MCTP1: variants seen among roughly 807,000 people sequenced by gnomAD.
MCTP1 encodes multiple C2 and transmembrane domain-containing protein 1.
A neutral mutation model predicts 120.6 loss-of-function variants in MCTP1; 69 were observed. The observed-to-expected ratio is 0.57, with a 90% CI of 0.47 to 0.70. The LOEUF (loss-of-function observed/expected upper bound fraction) is 0.70, where lower values mean the gene tolerates loss of function less well. MCTP1 is among the 30% of genes least tolerant of loss of function. MCTP1 has a pLI of 0.00. For missense variants in MCTP1, 1,203 were observed against 1,248.8 expected (o/e 0.96, Z 0.55); for synonymous variants, 529 against 493.1 (o/e 1.07, Z -0.96).
intron 19 of MCTP1, among the ~76,000 whole-genome samples, chr5:94,760,448 G>A (rs1771057996): frequency 6.6e-6 from 1 of 152,138 alleles, no homozygotes; most frequent in Non-Finnish European, 1.5e-5. Context: ...TGCCTTCTAT[G>A]TCTCTAAAAT....
intron 1 of MCTP1, among the ~76,000 whole-genome samples, chr5:95,150,663 T>C (rs536806299): frequency 6.6e-6 from 1 of 152,352 alleles, no homozygotes; most frequent in Non-Finnish European, 1.5e-5. Flanking sequence ...ATTAGTATTA[T>C]GTGGCATTCT....
At chr5:94,717,560 T>C (rs1438746016) in intron 19 of MCTP1, among the ~76,000 whole-genome samples, 3 of 152,156 alleles carry the variant, frequency 2.0e-5, no homozygotes, top group African/African-American at 7.2e-5. Context: ...GGTATTCACA[T>C]AGGAACATAG....
intron 1 of MCTP1, among the ~76,000 whole-genome samples, chr5:95,271,058 C>T (rs1049736045): frequency 5.3e-5 from 8 of 152,044 alleles, no homozygotes; most frequent in East Asian, 1.9e-4. Flanking sequence ...CCAGCTCACA[C>T]AACAAATTTC....
At chr5:95,018,227 A>G (rs1276284088) in intron 1 of MCTP1, among the ~76,000 whole-genome samples, 1 of 152,122 alleles carries the variant, frequency 6.6e-6, no homozygotes, top group Non-Finnish European at 1.5e-5. Context: ...TGAAACATGT[A>G]GTAAAAATTC....
At chr5:94,758,468 A>G (rs921562242) in intron 19 of MCTP1, among the ~76,000 whole-genome samples, 11 of 152,140 alleles carry the variant, frequency 7.2e-5, no homozygotes, top group Non-Finnish European at 1.3e-4. Context: ...GAGAGAAAAA[A>G]TAAAAATAAA....
intron 19 of MCTP1, among the ~76,000 whole-genome samples, chr5:94,729,155 ACTACT>A (rs775937376): frequency 5.9e-5 from 9 of 152,334 alleles, no homozygotes; most frequent in South Asian, 2.1e-4. Context: ...GAAAACAGAA[ACTACT>A]CTAAGTATTT....
chr5:94,768,349 A>C (rs1292046164), intron 19 of MCTP1, among the ~76,000 whole-genome samples: 1 of 152,164 alleles, frequency 6.6e-6, no homozygotes, highest in Admixed American at 6.5e-5. Flanking sequence ...GTCTAGGCAA[A>C]GTTTTATGGC....
chr5:94,906,564 G>A (rs1053654564), intron 10 of MCTP1, among the ~76,000 whole-genome samples: 1 of 152,254 alleles, frequency 6.6e-6, no homozygotes, highest in Non-Finnish European at 1.5e-5. Flanking sequence ...AGATTTGCAA[G>A]TGGCTCTTTC....
rs1477355809 is a variant in MCTP1, at chr5:94,867,485, G to T, written c.2436+848C>A. On this transcript the variant is annotated intron_variant, in intron 17 of 22. Coordinates refer to ENST00000515393, the MANE Select transcript of MCTP1 (RefSeq NM_024717.7). ...TGTTACTATAATTAAGGCTCTTCTT[G>T]TAAGCCCCCATAATAAAGTCGTATT... The T allele has an allele frequency of 5.5e-6, 4 of 727,166 alleles. No individual in the cohort carries two copies. The African/African-American group carries it at 7.0e-5, about 13-fold the overall frequency. The allele number at this position is 727,166 out of a possible 1,614,324, so 45.0% of individuals were successfully genotyped here.
intron 2 of MCTP1, among the ~76,000 whole-genome samples, chr5:94,994,304 G>A (rs909394897): frequency 2.6e-5 from 4 of 152,176 alleles, no homozygotes; most frequent in African/African-American, 7.2e-5. Flanking sequence ...AGAGTTTCAC[G>A]GGTATCTAGA....
intron 1 of MCTP1, among the ~76,000 whole-genome samples, chr5:95,149,248 T>G (rs1455189687): frequency 1.3e-5 from 2 of 152,166 alleles, no homozygotes; most frequent in African/African-American, 4.8e-5. Context: ...CTTCCCAGAC[T>G]GACCCTGTAG....
intron 1 of MCTP1, among the ~76,000 whole-genome samples, chr5:95,056,770 C>G (rs1747491747): frequency 6.6e-6 from 1 of 152,072 alleles, no homozygotes; most frequent in African/African-American, 2.4e-5. Context: ...TGATGTTACT[C>G]TCGTCAGTTC....
At chr5:94,796,499 A>G (rs1179916756) in intron 18 of MCTP1, among the ~76,000 whole-genome samples, 3 of 150,206 alleles carry the variant, frequency 2.0e-5, no homozygotes, top group East Asian at 1.9e-4. Flanking sequence ...TATGCAGGAG[A>G]GTCAATGCAT....
intron 18 of MCTP1, chr5:94,788,756 G>A (rs1015948817): frequency 6.7e-6 from 1 of 149,296 alleles, no homozygotes; most frequent in South Asian, 2.2e-4. Flanking sequence ...AGAACAATCA[G>A]GAAATCGGTA....
chr5:94,803,818 T>C (rs543034550), intron 17 of MCTP1, among the ~76,000 whole-genome samples: 2 of 152,300 alleles, frequency 1.3e-5, no homozygotes, highest in African/African-American at 2.4e-5. Context: ...CTGAGTACAG[T>C]GATGACCCCG....
chr5:95,188,916 G>A (rs946564460), intron 1 of MCTP1, among the ~76,000 whole-genome samples: 3 of 152,130 alleles, frequency 2.0e-5, no homozygotes, highest in Admixed American at 6.5e-5. Flanking sequence ...TCTGTAAGAT[G>A]TTACTACTGG....
At chr5:94,905,782 G>C (rs1243229432) in intron 10 of MCTP1, among the ~76,000 whole-genome samples, 1 of 152,144 alleles carries the variant, frequency 6.6e-6, no homozygotes, top group Non-Finnish European at 1.5e-5. Flanking sequence ...GTGCAATATA[G>C]GAATCTGGAA....
chr5:95,030,342 G>A (rs566638985), intron 1 of MCTP1, among the ~76,000 whole-genome samples: 46 of 152,280 alleles, frequency 3.0e-4, no homozygotes, highest in Non-Finnish European at 5.4e-4. Context: ...GATCAAGTCA[G>A]CTCCTATTCT....
chr5:95,265,549 G>C (rs1362996111), intron 1 of MCTP1, among the ~76,000 whole-genome samples: 1 of 152,104 alleles, frequency 6.6e-6, no homozygotes, highest in East Asian at 1.9e-4. Context: ...TTATAAGATG[G>C]CCATGAAATC....
Sources: allele counts gnomAD v4.1 joint callset (sites outside exome capture counted in the v4.1 genomes callset), GRCh38; gene constraint gnomAD v4.1.1; transcripts MANE v1.5; gene names NCBI Gene and HGNC (gene_info 2026-07-23, HGNC 2026-07-21).